ZFP91: variants seen among roughly 807,000 people sequenced by gnomAD.
The protein encoded by ZFP91 is ZFP91 zinc finger protein, atypical E3 ubiquitin ligase, also known as E3 ubiquitin-protein ligase ZFP91.
Under a neutral mutation model 63.5 loss-of-function variants are expected in ZFP91, and 7 were observed. The observed-to-expected ratio is 0.11, with a 90% CI of 0.06 to 0.21. The LOEUF is 0.21. Ranked by LOEUF, ZFP91 falls within the 10% of genes least tolerant of loss-of-function variation. The pLI is 1.00. For missense variants in ZFP91, 628 were observed against 736.6 expected (o/e 0.85, Z 1.71); for synonymous variants, 330 against 272.1 (o/e 1.21, Z -2.10).
rs1191388446 is a variant in ZFP91, at chr11:58,617,112, G to A, written c.1203-84G>A. ...TGTGTGTGTGTGTATGTATATATAT[G>A]CTCTAAACTCTAACCCTGATCCTGA... is the stretch of plus-strand genomic sequence containing the variant. On this transcript the variant is annotated intron_variant, in intron 10 of 10. Coordinates refer to ENST00000316059, the MANE Select transcript of ZFP91 (RefSeq NM_053023.5). This position sits in a 1 kb window ranked among gnomAD's most constrained non-coding sequence, Gnocchi z 4.2. 6 of 1,113,000 alleles carry A rather than the reference G, an allele frequency of 5.4e-6. No individual in the cohort carries two copies. Among genetic ancestry groups the A allele is most frequent in the Admixed American group, 4.8e-5 (2 of 41,286 alleles). The allele number at this position is 1,113,000 out of a possible 1,614,324, so 68.9% of individuals were successfully genotyped here. A position where few individuals can be genotyped will look rare whatever the true frequency, so the allele number is the denominator to read the frequency against.
Position 58,618,709 on chromosome 11 carries a change from C to T in ZFP91, c.*1003C>T, listed in dbSNP as rs1265850316. ...CATAGGGTTGAAGAAGCACAGCCAG[C>T]CTCTGAAATCATAGCTCTCCAGTGG... On this transcript the variant is annotated 3_prime_UTR_variant, in exon 11 of 11. Coordinates refer to ENST00000316059, the MANE Select transcript of ZFP91 (RefSeq NM_053023.5). The T allele has an allele frequency of 2.2e-6, 1 of 456,860 alleles. No individual in the cohort carries two copies. The highest frequency in any genetic ancestry group is 4.4e-6 in the Non-Finnish European group (1 of 226,968). 28.3% of individuals were successfully genotyped at this position (456,860 alleles called of 1,614,324 possible).
At chr11:58,610,077 TTGC>T (rs1565023495) in intron 3 of ZFP91, 38 bp downstream of exon 3, 2 of 1,601,448 alleles carry the variant, frequency 1.2e-6, no homozygotes, top group Admixed American at 1.7e-5. Context: ...TACTAACTAG[TTGC>T]TGTTACATTT....
chr11:58,584,847 T>G lies in ZFP91; in HGVS notation c.342-9T>G, dbSNP rs1232167160. The G allele has an allele frequency of 6.5e-7, 1 of 1,533,406 alleles. No homozygotes were observed. Among genetic ancestry groups the G allele is most frequent in the Non-Finnish European group, 8.7e-7 (1 of 1,149,486 alleles). 95.0% of individuals were successfully genotyped at this position (1,533,406 alleles called of 1,614,324 possible). The stretch of plus-strand genomic sequence containing the variant: ...TTGTTCATTAATGTTTGATTCTTAT[T>G]TCTTTCAGATGCATAGAAAAAGTAA... On this transcript the variant is annotated splice_polypyrimidine_tract_variant and intron_variant, in intron 1 of 10. Transcript: ENST00000316059.
At chr11:58,615,146 T>C (rs1363212229) in intron 9 of ZFP91, among the ~76,000 whole-genome samples, 2 of 152,214 alleles carry the variant, frequency 1.3e-5, no homozygotes, top group Non-Finnish European at 2.9e-5. Context: ...AGGATACCAA[T>C]ATCAGTTATT....
At chr11:58,611,433 A>G in intron 5 of ZFP91, 171 bp from the exon 6 acceptor site, 1 of 846,298 alleles carries the variant, frequency 1.2e-6, no homozygotes, top group Non-Finnish European at 1.8e-6. Flanking sequence ...ACATATACAT[A>G]TATTTGGATC....
intron 2 of ZFP91, among the ~76,000 whole-genome samples, chr11:58,591,486 A>T (rs562931640): frequency 6.6e-6 from 1 of 151,908 alleles, no homozygotes; most frequent in South Asian, 2.1e-4. Context: ...TTTCAAATGT[A>T]CAATTTAGGG....
In ZFP91 at chr11:58,620,842, TG is replaced by T. The variant is rs1453134383; in HGVS notation, c.*3137del. On this transcript the variant is annotated 3_prime_UTR_variant, in exon 11 of 11. Coordinates refer to ENST00000316059, the MANE Select transcript of ZFP91 (RefSeq NM_053023.5). ...TATTTTATTTCTTAAAAGCCTTTTT[TG>T]CCTGTTGTAATGTGCAGGACCCTTC... is the stretch of plus-strand genomic sequence containing the variant. 2 of 152,658 alleles carry T rather than the reference TG, an allele frequency of 1.3e-5. No homozygotes were observed. Among genetic ancestry groups the T allele is most frequent in the African/African-American group, 4.8e-5 (2 of 41,456 alleles). The allele number at this position is 152,658 out of a possible 1,614,324, so 9.5% of individuals were successfully genotyped here. A position where few individuals can be genotyped will look rare whatever the true frequency, so the allele number is the denominator to read the frequency against.
chr11:58,603,262 G>A (rs987866608), intron 2 of ZFP91, among the ~76,000 whole-genome samples: 1 of 152,158 alleles, frequency 6.6e-6, no homozygotes, highest in East Asian at 1.9e-4. Context: ...ATGTGTGAGA[G>A]GAAAGATATA....
chr11:58,595,229 A>C (rs1481278706), intron 2 of ZFP91, among the ~76,000 whole-genome samples: 1 of 152,210 alleles, frequency 6.6e-6, no homozygotes, highest in African/African-American at 2.4e-5. Context: ...GAAATGAAAA[A>C]AATATATATT....
chr11:58,585,296 G>A lies in ZFP91; in HGVS notation c.370+412G>A, dbSNP rs79313191. On this transcript the variant is annotated intron_variant, in intron 2 of 10. Transcript: ENST00000316059. Reference sequence around the variant, plus strand: ...AATAATTAAATTAGGTCAATATTAGGTCATTTTCCTTTAAGTTTGAGTGTT... The same window carrying A: ...AATAATTAAATTAGGTCAATATTAGATCATTTTCCTTTAAGTTTGAGTGTT... Among the ~76,000 whole-genome samples, 1,091 of 152,200 alleles carry A rather than the reference G, an allele frequency of 7.2e-3. 10 individuals are homozygous for A. The highest frequency in any genetic ancestry group is 0.024 in the Middle Eastern group (7 of 294).
At chr11:58,589,316 G>A (rs1346154202) in intron 2 of ZFP91, among the ~76,000 whole-genome samples, 4 of 151,958 alleles carry the variant, frequency 2.6e-5, no homozygotes, top group South Asian at 4.2e-4. Flanking sequence ...CTCTTGCCTC[G>A]GCCTCCCAAA....
At chr11:58,602,597 A>G (rs543882028) in intron 2 of ZFP91, among the ~76,000 whole-genome samples, 69 of 152,286 alleles carry the variant, frequency 4.5e-4, no homozygotes, top group Non-Finnish European at 6.6e-4. Context: ...TGATATTAGT[A>G]GGGCCACCTT....
intron 1 of ZFP91, among the ~76,000 whole-genome samples, chr11:58,582,824 A>C (rs1051042339): frequency 6.6e-6 from 1 of 152,172 alleles, no homozygotes; most frequent in African/African-American, 2.4e-5. Flanking sequence ...TTTAGGGGTT[A>C]TTGGGAAGAG....
chr11:58,587,575 AGT>A (rs1422298926), intron 2 of ZFP91, among the ~76,000 whole-genome samples: 1 of 152,156 alleles, frequency 6.6e-6, no homozygotes, highest in African/African-American at 2.4e-5. Flanking sequence ...AGTTTCCAAG[AGT>A]GTTAGTAGAA....
At chr11:58,610,621 T>C (rs535479761) in intron 4 of ZFP91, among the ~76,000 whole-genome samples, 1 of 152,220 alleles carries the variant, frequency 6.6e-6, no homozygotes, top group Non-Finnish European at 1.5e-5. Context: ...TTTGAGATTT[T>C]ATTGGAATCT....
chr11:58,613,811 C>G (rs1345311834), intron 8 of ZFP91, among the ~76,000 whole-genome samples: 3 of 152,092 alleles, frequency 2.0e-5, no homozygotes, highest in African/African-American at 7.2e-5. Context: ...TGATCTTCAG[C>G]AACAAATATA....
chr11:58,585,321 T>C (rs933384364), intron 2 of ZFP91, among the ~76,000 whole-genome samples: 1 of 152,148 alleles, frequency 6.6e-6, no homozygotes, highest in Non-Finnish European at 1.5e-5. Context: ...GTTTGAGTGT[T>C]AGCACACCAG....
intron 1 of ZFP91, 92 bp downstream of exon 1, chr11:58,579,714 C>T (rs1855066493): frequency 8.2e-7 from 1 of 1,221,968 alleles, no homozygotes. Context: ...ACGTGACATC[C>T]TGCCTGGTCT....
intron 2 of ZFP91, among the ~76,000 whole-genome samples, chr11:58,601,422 G>A (rs1655813921): frequency 6.6e-6 from 1 of 152,122 alleles, no homozygotes; most frequent in Non-Finnish European, 1.5e-5. Flanking sequence ...TATTTCAGTG[G>A]TAGTGTCCCA....
Sources: gnomAD v4.1 joint callset for allele counts (sites outside exome capture counted in the v4.1 genomes callset) on GRCh38, gnomAD v4.1.1 for gene constraint, Gnocchi (gnomAD v3.1) non-coding constraint, MANE v1.5 for transcripts, NCBI Gene and HGNC (gene_info 2026-07-23, HGNC 2026-07-21) for gene names.